KIFAP3: variants seen among roughly 807,000 people sequenced by gnomAD.
KIFAP3 encodes kinesin associated protein 3, also known as kinesin-associated protein 3.
In KIFAP3, 68 loss-of-function variants were observed where a neutral mutation model predicts 106.5. The observed-to-expected ratio is 0.64, with a 90% CI of 0.53 to 0.78. The LOEUF (loss-of-function observed/expected upper bound fraction) is 0.78. KIFAP3 is among the 30% of genes least tolerant of loss of function. KIFAP3 has a pLI of 0.00. For missense variants in KIFAP3, 780 were observed against 941.8 expected, an observed-to-expected ratio of 0.83 and a Z score of 2.25; for synonymous variants, 320 against 311.5, an observed-to-expected ratio of 1.03 and a Z score of -0.29.
rs572967936 is a variant in KIFAP3, at chr1:170,044,069, C to A, written c.319+2643G>T. On this transcript the variant is annotated intron_variant, in intron 3 of 19. Transcript: ENST00000361580. Reference sequence around the variant, plus strand: ...TCTGCTGGGAACCCAAATCCCTTTTCACAGGAGAGGGTAAAATGGTCTGGG... The same window carrying A: ...TCTGCTGGGAACCCAAATCCCTTTTAACAGGAGAGGGTAAAATGGTCTGGG... 1.1e-4 allele frequency among the ~76,000 whole-genome samples: 17 copies of A among 152,266 alleles called. 1 individual carries two copies. Among genetic ancestry groups the A allele is most frequent in the African/African-American group, 3.9e-4 (16 of 41,554 alleles).
chr1:169,942,223 C>A (rs964680021), intron 19 of KIFAP3, among the ~76,000 whole-genome samples: 1 of 151,620 alleles, frequency 6.6e-6, no homozygotes, highest in African/African-American at 2.4e-5. Flanking sequence ...ACTAAACATA[C>A]AAAATAACTA....
intron 19 of KIFAP3, among the ~76,000 whole-genome samples, chr1:169,951,388 G>A (rs1664724191): frequency 1.3e-5 from 2 of 151,816 alleles, no homozygotes; most frequent in Non-Finnish European, 2.9e-5. Flanking sequence ...ACAGTCTATA[G>A]TAAGTTTTAT....
At chr1:169,923,640 T>C (rs886698075) in intron 19 of KIFAP3, among the ~76,000 whole-genome samples, 2 of 152,206 alleles carry the variant, frequency 1.3e-5, no homozygotes, top group African/African-American at 4.8e-5. Flanking sequence ...CTAGGGGCTA[T>C]GGCAAGATCT....
At chr1:169,946,684 A>G (rs1664454968) in intron 19 of KIFAP3, among the ~76,000 whole-genome samples, 1 of 151,984 alleles carries the variant, frequency 6.6e-6, no homozygotes, top group Non-Finnish European at 1.5e-5. Flanking sequence ...TTAATGATCA[A>G]ATAAGATACA....
chr1:169,924,910 G>A (rs532310487), intron 19 of KIFAP3, among the ~76,000 whole-genome samples: 15 of 152,310 alleles, frequency 9.8e-5, no homozygotes, highest in South Asian at 2.1e-4. Flanking sequence ...GACTTCAATA[G>A]TGTGTATCAC....
intron 1 of KIFAP3, among the ~76,000 whole-genome samples, chr1:170,081,621 G>A (rs1484784102): frequency 6.6e-6 from 1 of 152,152 alleles, no homozygotes; most frequent in Non-Finnish European, 1.5e-5. Flanking sequence ...AGTGGCCCAA[G>A]TTCTTTTCAT....
intron 6 of KIFAP3, 77 bp from the exon 7 acceptor site, chr1:170,034,573 T>G (rs1669581349): frequency 1.2e-5 from 8 of 667,398 alleles, no homozygotes; most frequent in African/African-American, 3.9e-5. Context: ...TGGTGATCAC[T>G]GGTACGAACC....
chr1:170,059,673 T>A (rs1426139324), intron 1 of KIFAP3, among the ~76,000 whole-genome samples: 4 of 152,076 alleles, frequency 2.6e-5, no homozygotes, highest in African/African-American at 4.8e-5. Context: ...TTATGAGGCC[T>A]GCATCATCCT....
At chr1:170,002,026 T>C (rs1019205113) in intron 10 of KIFAP3, among the ~76,000 whole-genome samples, 5 of 152,150 alleles carry the variant, frequency 3.3e-5, no homozygotes, top group African/African-American at 1.2e-4. Flanking sequence ...TAAAGACATA[T>C]GACAGAATGG....
At chr1:170,004,553 C>T in intron 10 of KIFAP3, among the ~76,000 whole-genome samples, 1 of 152,008 alleles carries the variant, frequency 6.6e-6, no homozygotes, top group African/African-American at 2.4e-5. Context: ...AATAATGCCG[C>T]ATATCTACAA....
intron 16 of KIFAP3, 60 bp from the exon 17 acceptor site, chr1:169,972,658 T>C (rs1665980202): frequency 1.3e-6 from 1 of 756,434 alleles, no homozygotes; most frequent in Non-Finnish European, 2.2e-6. Flanking sequence ...TCAATAATAC[T>C]ACAAAAATCT....
rs1327454732 is a variant in KIFAP3, at chr1:169,924,738, A to G, written c.2274-2957T>C. On this transcript the variant is annotated intron_variant, in intron 19 of 19. Coordinates refer to ENST00000361580, the MANE Select transcript of KIFAP3 (RefSeq NM_014970.4). Reference sequence around the variant, plus strand: ...CTTTACTTTTTTCCTTGGGAAAAGGATACAGCCTTGCTAATGCTGAGTTTA... The same window carrying G: ...CTTTACTTTTTTCCTTGGGAAAAGGGTACAGCCTTGCTAATGCTGAGTTTA... Among the ~76,000 whole-genome samples, 3 of 152,340 alleles carry G rather than the reference A, an allele frequency of 2.0e-5. No homozygotes were observed. The South Asian group carries it at 6.2e-4, about 32-fold the overall frequency.
intron 2 of KIFAP3, among the ~76,000 whole-genome samples, chr1:170,052,654 C>T (rs1291890410): frequency 1.3e-5 from 2 of 152,104 alleles, no homozygotes; most frequent in Non-Finnish European, 2.9e-5. Context: ...ACAACCAAGT[C>T]GGCTTCATCC....
At chr1:169,999,821 C>G (rs764361639) in intron 10 of KIFAP3, among the ~76,000 whole-genome samples, 7 of 152,168 alleles carry the variant, frequency 4.6e-5, no homozygotes, top group Admixed American at 2.0e-4. Context: ...TGGTCATTAA[C>G]TCCAGTAACT....
intron 14 of KIFAP3, among the ~76,000 whole-genome samples, chr1:169,982,417 G>A (rs866597703): frequency 3.9e-5 from 6 of 152,132 alleles, no homozygotes; most frequent in Non-Finnish European, 7.4e-5. Flanking sequence ...TATGCAGAGG[G>A]ATGGTATTTG....
At chr1:169,947,583 A>T (rs1456612979) in intron 19 of KIFAP3, among the ~76,000 whole-genome samples, 2 of 151,932 alleles carry the variant, frequency 1.3e-5, no homozygotes, top group Non-Finnish European at 3.0e-5. Context: ...ACTATGTTTC[A>T]TAATAGACTT....
At chr1:170,045,228 T>C (rs928248713) in intron 3 of KIFAP3, among the ~76,000 whole-genome samples, 2 of 152,136 alleles carry the variant, frequency 1.3e-5, no homozygotes, top group African/African-American at 4.8e-5. Flanking sequence ...ATGTAGTTTC[T>C]TTATAGTGTT....
intron 4 of KIFAP3, 37 bp from the exon 5 acceptor site, chr1:170,038,468 C>T (rs1471141561): frequency 1.3e-6 from 2 of 1,583,432 alleles, no homozygotes; most frequent in Non-Finnish European, 1.7e-6. Context: ...ATCAACAATG[C>T]TCAACAGATC....
At chr1:170,047,926 C>A (rs1330369) in intron 2 of KIFAP3, among the ~76,000 whole-genome samples, 13,350 of 152,136 alleles carry the variant, frequency 0.088, 1,537 homozygotes, top group African/African-American at 0.26. Context: ...AGCAAATGCT[C>A]CCATGCAAGG....
Sources: allele counts gnomAD v4.1 joint callset (sites outside exome capture counted in the v4.1 genomes callset), GRCh38; gene constraint gnomAD v4.1.1; transcripts MANE v1.5; gene names NCBI Gene and HGNC (gene_info 2026-07-23, HGNC 2026-07-21).